The following VEZT variants were observed in gnomAD, a reference collection of about 807,000 sequenced individuals.
VEZT encodes vezatin, adherens junctions transmembrane protein.
VEZT carries 39 observed loss-of-function variants against 79.9 expected under a neutral mutation model. That is an observed-to-expected ratio of 0.49 (90% confidence interval 0.38 to 0.64). The LOEUF is 0.64. Among genes scored for constraint, VEZT ranks in the 30% least tolerant of loss-of-function variants. The pLI is 0.00. For missense variants in VEZT, 837 were observed against 893.1 expected (o/e 0.94, Z 0.80); for synonymous variants, 325 against 327.6 (o/e 0.99, Z 0.09).
intron 1 of VEZT, among the ~76,000 whole-genome samples, chr12:95,248,702 G>A (rs2062046212): frequency 1.3e-5 from 2 of 151,760 alleles, no homozygotes; most frequent in South Asian, 2.1e-4. Context: ...TCTTTTATTA[G>A]GAGAGGAGGG....
chr12:95,224,911 T>C (rs1396212311), intron 1 of VEZT, among the ~76,000 whole-genome samples: 1 of 152,164 alleles, frequency 6.6e-6, no homozygotes, highest in African/African-American at 2.4e-5. Context: ...CATAAGGAGC[T>C]CACAACCTAG....
intron 1 of VEZT, among the ~76,000 whole-genome samples, chr12:95,234,118 A>C (rs973730499): frequency 6.6e-6 from 1 of 152,146 alleles, no homozygotes; most frequent in Non-Finnish European, 1.5e-5. Context: ...GTGAAGTTTA[A>C]CATGTTTTCA....
At chr12:95,227,034 G>C (rs2058589399) in intron 1 of VEZT, among the ~76,000 whole-genome samples, 4 of 152,182 alleles carry the variant, frequency 2.6e-5, no homozygotes, top group Admixed American at 2.6e-4. Flanking sequence ...TGTCTAATGT[G>C]AATATTAACA....
intron 1 of VEZT, among the ~76,000 whole-genome samples, chr12:95,219,518 C>G (rs1228529479): frequency 6.6e-6 from 1 of 152,154 alleles, no homozygotes; most frequent in African/African-American, 2.4e-5. Flanking sequence ...TATCGTGAAT[C>G]TTTTCCCATT....
intron 8 of VEZT, among the ~76,000 whole-genome samples, chr12:95,284,265 C>A (rs984033143): frequency 6.6e-6 from 1 of 152,224 alleles, no homozygotes; most frequent in African/African-American, 2.4e-5. Flanking sequence ...CTGCTACATA[C>A]AACTTTTTGA....
chr12:95,231,002 TTTTA>T lies in VEZT; in HGVS notation c.36+13121_36+13124del, dbSNP rs542030365. Among the ~76,000 whole-genome samples, 137 of 152,324 alleles carry T rather than the reference TTTTA, an allele frequency of 9.0e-4. 2 individuals are homozygous for T. Among genetic ancestry groups the T allele is most frequent in the African/African-American group, 3.2e-3 (134 of 41,560 alleles). ...TAGTCTTCTGATGGGTATGTTTGAT[TTTTA>T]TTTAGATTTTGGACGTAGGTAGTAT... is the stretch of plus-strand genomic sequence containing the variant. On this transcript the variant is annotated intron_variant, in intron 1 of 11. Coordinates refer to ENST00000436874, the MANE Select transcript of VEZT (RefSeq NM_017599.4).
rs1297078819 is a variant in VEZT at position 95,240,047 on chromosome 12, AG to A, written c.37-11891del. Among the ~76,000 whole-genome samples the A allele has an allele frequency of 2.7e-3, 374 of 136,434 alleles. 10 individuals are homozygous for A. Among genetic ancestry groups the A allele is most frequent in the African/African-American group, 0.01 (351 of 35,088 alleles). The allele number at this position is 136,434 out of a possible 152,430, so 89.5% of individuals were successfully genotyped here. A position where few individuals can be genotyped will look rare whatever the true frequency, so the allele number is the denominator to read the frequency against. Reference sequence around the variant, plus strand: ...AAGGAAGGAAGGAAGGAAGGAAGGAAGGAAGGAAGGAAGGAAGGAAGGAAGG... The same window carrying A: ...AAGGAAGGAAGGAAGGAAGGAAGGAAGAAGGAAGGAAGGAAGGAAGGAAGG... On this transcript the variant is annotated intron_variant, in intron 1 of 11. Coordinates refer to ENST00000436874, the MANE Select transcript of VEZT (RefSeq NM_017599.4).
chr12:95,219,812 C>A (rs76634946), intron 1 of VEZT, among the ~76,000 whole-genome samples: 1 of 152,188 alleles, frequency 6.6e-6, no homozygotes, highest in African/African-American at 2.4e-5. Context: ...TTCCTTTAAT[C>A]TTTGCTAATT....
intron 9 of VEZT, among the ~76,000 whole-genome samples, chr12:95,288,394 T>G (rs2139550268): frequency 6.6e-6 from 1 of 152,266 alleles, no homozygotes; most frequent in East Asian, 1.9e-4. Flanking sequence ...AGTCTTGAGA[T>G]TTTTCCACCA....
rs143601461 is a variant in VEZT, at chr12:95,281,607, G to T, written c.997-706G>T. ...GTCACCCAGGCTGGAGTGCAGTGGC[G>T]CCATCTCAGCTCACTGTAACGTCTG... is the stretch of plus-strand genomic sequence containing the variant. On this transcript the variant is annotated intron_variant, in intron 7 of 11. Transcript: ENST00000436874. Among the ~76,000 whole-genome samples the T allele has an allele frequency of 5.3e-5, 8 of 150,634 alleles. No individual in the cohort carries two copies. In the South Asian group the frequency reaches 1.5e-3, roughly 27 times the overall value.
intron 7 of VEZT, among the ~76,000 whole-genome samples, chr12:95,275,393 A>T (rs1171066782): frequency 2.0e-5 from 3 of 152,142 alleles, no homozygotes; most frequent in Non-Finnish European, 4.4e-5. Flanking sequence ...TGAGCTCAGG[A>T]GTTCGAGACC....
At chr12:95,244,665 G>A (rs1452282920) in intron 1 of VEZT, among the ~76,000 whole-genome samples, 2 of 149,328 alleles carry the variant, frequency 1.3e-5, no homozygotes, top group African/African-American at 4.9e-5. Context: ...TCAGTTCACT[G>A]TAACCTCTGC....
intron 7 of VEZT, among the ~76,000 whole-genome samples, chr12:95,277,858 A>G (rs1356775969): frequency 1.3e-5 from 2 of 152,250 alleles, no homozygotes; most frequent in African/African-American, 4.8e-5. Context: ...GGACTTGGAG[A>G]AAGAATTATA....
At chr12:95,232,528 A>AGT (rs2059404488) in intron 1 of VEZT, among the ~76,000 whole-genome samples, 1 of 152,172 alleles carries the variant, frequency 6.6e-6, no homozygotes, top group Non-Finnish European at 1.5e-5. Flanking sequence ...TACTTCTCAA[A>AGT]CATTACACAG....
At chr12:95,297,995 C>G (rs1753168427) in intron 11 of VEZT, among the ~76,000 whole-genome samples, 1 of 152,078 alleles carries the variant, frequency 6.6e-6, no homozygotes, top group African/African-American at 2.4e-5. Context: ...TGGCGCACAC[C>G]TATAATCCCA....
intron 2 of VEZT, among the ~76,000 whole-genome samples, chr12:95,252,592 G>GA (rs1187969444): frequency 1.1e-4 from 16 of 152,164 alleles, no homozygotes; most frequent in Non-Finnish European, 1.9e-4. Context: ...CGAGATACTA[G>GA]AAAAATCTCC....
intron 10 of VEZT, among the ~76,000 whole-genome samples, chr12:95,294,631 G>GT (rs1344357275): frequency 2.6e-5 from 4 of 152,138 alleles, no homozygotes; most frequent in African/African-American, 9.7e-5. Flanking sequence ...CTGGAAATGT[G>GT]TTTATCTTGA....
At chr12:95,252,809 G>A (rs1202349560) in intron 2 of VEZT, among the ~76,000 whole-genome samples, 3 of 151,952 alleles carry the variant, frequency 2.0e-5, no homozygotes, top group African/African-American at 4.8e-5. Context: ...TACTAAAAAT[G>A]GAAAAATTAG....
intron 1 of VEZT, among the ~76,000 whole-genome samples, chr12:95,233,595 T>A (rs1322267074): frequency 1.3e-5 from 2 of 152,116 alleles, no homozygotes; most frequent in East Asian, 3.9e-4. Context: ...ACACACAAGG[T>A]TTCACCATGT....
Sources: gnomAD v4.1 joint callset for allele counts (sites outside exome capture counted in the v4.1 genomes callset) on GRCh38, gnomAD v4.1.1 for gene constraint, MANE v1.5 for transcripts, NCBI Gene and HGNC (gene_info 2026-07-23, HGNC 2026-07-21) for gene names.